Variants in CDKAL1 observed in about 807,000 individuals in gnomAD.
CDKAL1 encodes the protein CDKAL1 threonylcarbamoyladenosine tRNA methylthiotransferase.
A neutral mutation model predicts 68.2 loss-of-function variants in CDKAL1; 32 were observed. The ratio of observed to expected loss-of-function variants is 0.47; its 90% CI spans 0.35 to 0.63. The LOEUF (loss-of-function observed/expected upper bound fraction) is 0.63, where lower values mean the gene tolerates loss of function less well. CDKAL1 is among the 30% of genes least tolerant of loss of function. The pLI is 0.00. For synonymous variants in CDKAL1, 234 were observed against 244.3 expected (o/e 0.96, Z 0.39); for missense variants, 606 against 696.7 (o/e 0.87, Z 1.47).
rs61519451 is a variant in CDKAL1 at position 21,041,602 on chromosome 6, C to CT, written c.1056-23432dup. ...TTTTTTTCAATGTTACTCTGAAAATCTTTTTTTTTTTTTTGGTATTCTGGA... is the reference window on the plus strand; with the variant it reads ...TTTTTTTCAATGTTACTCTGAAAATCTTTTTTTTTTTTTTTGGTATTCTGGA... On this transcript the variant is annotated intron_variant, in intron 11 of 15. Transcript: ENST00000274695. Among the ~76,000 whole-genome samples the CT allele has an allele frequency of 9.3e-3, 1,286 of 138,064 alleles. 15 individuals carry two copies. Among genetic ancestry groups the CT allele is most frequent in the East Asian group, 0.029 (136 of 4,764 alleles). 90.6% of individuals were successfully genotyped at this position (138,064 alleles called of 152,430 possible). A position where few individuals can be genotyped will look rare whatever the true frequency, so the allele number is the denominator to read the frequency against.
intron 10 of CDKAL1, among the ~76,000 whole-genome samples, chr6:20,977,664 G>A (rs1052003444): frequency 6.6e-6 from 1 of 152,194 alleles, no homozygotes; most frequent in African/African-American, 2.4e-5. Flanking sequence ...GATCCCTTGA[G>A]CACAGGAGTT....
chr6:20,955,377 AGC>A (rs767639462), intron 9 of CDKAL1, 40 bp from the exon 10 acceptor site: 74 of 1,599,230 alleles, frequency 4.6e-5, no homozygotes, highest in Non-Finnish European at 6.0e-5. Context: ...TGAAGGAAAC[AGC>A]TCTGCCACAG....
chr6:20,582,683 C>A (rs1374353496), intron 4 of CDKAL1, among the ~76,000 whole-genome samples: 1 of 152,100 alleles, frequency 6.6e-6, no homozygotes, highest in Non-Finnish European at 1.5e-5. Flanking sequence ...AGTTGGTTTT[C>A]TTTTTCCTCC....
intron 4 of CDKAL1, among the ~76,000 whole-genome samples, chr6:20,565,416 T>C (rs1442327663): frequency 6.6e-6 from 1 of 152,142 alleles, no homozygotes; most frequent in Non-Finnish European, 1.5e-5. Context: ...AAAGTTTACA[T>C]TTTTTTCCGT....
chr6:20,856,515 A>T (rs911041410), intron 9 of CDKAL1, among the ~76,000 whole-genome samples: 13 of 152,312 alleles, frequency 8.5e-5, no homozygotes, highest in African/African-American at 3.1e-4. Flanking sequence ...ACAGAGAAAT[A>T]ATTTACTTTG....
intron 9 of CDKAL1, among the ~76,000 whole-genome samples, chr6:20,860,114 G>C (rs1032990117): frequency 3.3e-5 from 5 of 151,848 alleles, no homozygotes; most frequent in African/African-American, 1.2e-4. Flanking sequence ...GTCTCGCTTT[G>C]TTGCCCAGGC....
At chr6:21,095,568 C>T (rs1465906435) in intron 12 of CDKAL1, among the ~76,000 whole-genome samples, 1 of 151,778 alleles carries the variant, frequency 6.6e-6, no homozygotes, top group Non-Finnish European at 1.5e-5. Context: ...CCCCTTTCCC[C>T]CCAACCCCCC....
intron 9 of CDKAL1, among the ~76,000 whole-genome samples, chr6:20,873,719 A>T (rs1760342001): frequency 6.6e-6 from 1 of 152,036 alleles, no homozygotes; most frequent in African/African-American, 2.4e-5. Context: ...CATTGTATTT[A>T]TTTCCGTGGG....
In CDKAL1 at chr6:20,548,689, T is replaced by C; in HGVS notation, c.270T>C (p.Tyr90=). Residue 90 remains tyrosine, a synonymous_variant, in exon 4 of 16, where the codon TAT becomes TAC. Coordinates refer to ENST00000274695, the MANE Select transcript of CDKAL1 (RefSeq NM_017774.3). ...ATATGGCTGGACAGCTAGCTGCTTA[T>C]GGCTATAAAATTACAGGTAATGAGA... ...GEYMAGQLAA[Y]GYKITENASD... is the part of the protein sequence containing the mutation. The C allele has an allele frequency of 6.6e-7, 1 of 1,520,128 alleles. No individual in the cohort carries two copies. Among genetic ancestry groups the C allele is most frequent in the Non-Finnish European group, 9.1e-7 (1 of 1,099,696 alleles). 94.2% of individuals were successfully genotyped at this position (1,520,128 alleles called of 1,614,324 possible). A position where few individuals can be genotyped will look rare whatever the true frequency, so the allele number is the denominator to read the frequency against.
intron 4 of CDKAL1, among the ~76,000 whole-genome samples, chr6:20,637,431 C>T (rs185249181): frequency 2.6e-5 from 4 of 151,560 alleles, no homozygotes; most frequent in African/African-American, 7.3e-5. Flanking sequence ...GGTGTGGTGG[C>T]GGGTGCCTGT....
At chr6:20,846,015 A>G (rs1266666033) in intron 8 of CDKAL1, 60 bp from the exon 9 acceptor site, 3 of 1,018,372 alleles carry the variant, frequency 2.9e-6, no homozygotes, top group Admixed American at 4.0e-5. Context: ...AGGTATCCCC[A>G]TGTTAAGTAT....
chr6:21,215,416 T>TG (rs1779306072), intron 15 of CDKAL1, among the ~76,000 whole-genome samples: 1 of 152,164 alleles, frequency 6.6e-6, no homozygotes, highest in East Asian at 1.9e-4. Flanking sequence ...CAAGGAGGTA[T>TG]AAGGAATTGG....
intron 13 of CDKAL1, among the ~76,000 whole-genome samples, chr6:21,132,428 T>C (rs1473841802): frequency 6.6e-6 from 1 of 151,920 alleles, no homozygotes; most frequent in Non-Finnish European, 1.5e-5. Flanking sequence ...AACTACATAT[T>C]AATGAAGATA....
chr6:20,980,665 A>G (rs2150773298), intron 10 of CDKAL1, among the ~76,000 whole-genome samples: 1 of 138,428 alleles, frequency 7.2e-6, no homozygotes, highest in African/African-American at 2.5e-5. Flanking sequence ...GGGGGTGAAT[A>G]GGCATGAGAA....
At chr6:21,105,873 G>T (rs1464918851) in intron 12 of CDKAL1, among the ~76,000 whole-genome samples, 1 of 152,186 alleles carries the variant, frequency 6.6e-6, no homozygotes, top group East Asian at 1.9e-4. Context: ...TTATATTATT[G>T]CCAACTGGGA....
Position 21,178,947 on chromosome 6 carries a change from A to G in CDKAL1, c.1300-19074A>G, listed in dbSNP as rs184559914. 1.2e-3 allele frequency among the ~76,000 whole-genome samples: 177 copies of G among 152,336 alleles called. 1 individual carries two copies. In the South Asian group the frequency reaches 0.016, roughly 14 times the overall value. On this transcript the variant is annotated intron_variant, in intron 13 of 15. Transcript: ENST00000274695. ...TAGGAAATAATTACAGCCTGCCACAATTTTTCTTAATTTTTAACTGAAAAA... is the reference window on the plus strand; with the variant it reads ...TAGGAAATAATTACAGCCTGCCACAGTTTTTCTTAATTTTTAACTGAAAAA...
chr6:21,114,668 G>C (rs1018086202), intron 13 of CDKAL1, among the ~76,000 whole-genome samples: 1 of 152,086 alleles, frequency 6.6e-6, no homozygotes, highest in African/African-American at 2.4e-5. Flanking sequence ...AAGTCCAGGA[G>C]TTCGAGGCTG....
At chr6:20,689,271 A>G (rs1770766881) in intron 5 of CDKAL1, among the ~76,000 whole-genome samples, 1 of 152,160 alleles carries the variant, frequency 6.6e-6, no homozygotes, top group Non-Finnish European at 1.5e-5. Flanking sequence ...CCAGTGACTG[A>G]GTCATCCTGG....
At chr6:21,225,425 G>GTCA (rs1383698425) in intron 15 of CDKAL1, among the ~76,000 whole-genome samples, 1 of 152,156 alleles carries the variant, frequency 6.6e-6, no homozygotes, top group Admixed American at 6.5e-5. Flanking sequence ...GCAGGACGCT[G>GTCA]TCATCTCAGT....
Sources: allele counts gnomAD v4.1 joint callset (sites outside exome capture counted in the v4.1 genomes callset), GRCh38; gene constraint gnomAD v4.1.1; transcripts MANE v1.5; gene names NCBI Gene and HGNC (gene_info 2026-07-23, HGNC 2026-07-21).